The following VPS13B variants were observed in gnomAD, a reference collection of about 807,000 sequenced individuals.
The protein encoded by VPS13B is intermembrane lipid transfer protein VPS13B.
Under a neutral mutation model 426.4 loss-of-function variants are expected in VPS13B, and 285 were observed. The observed-to-expected ratio is 0.67, with a 90% CI of 0.61 to 0.74. The LOEUF (loss-of-function observed/expected upper bound fraction) is 0.74. VPS13B is among the 30% of genes least tolerant of loss of function. The probability of loss-of-function intolerance (pLI) is 0.00; values close to 1 mark genes in which losing one functional copy is unlikely to be tolerated. For synonymous variants in VPS13B, 1,676 were observed against 1,676.4 expected (o/e 1.00, Z 0.01); for missense variants, 4,537 against 4,782.6 (o/e 0.95, Z 1.51).
At chr8:99,736,389 A>G (rs772069015) in intron 39 of VPS13B, among the ~76,000 whole-genome samples, 1 of 152,270 alleles carries the variant, frequency 6.6e-6, no homozygotes, top group South Asian at 2.1e-4. Flanking sequence ...CCTGGTCAAC[A>G]TGGTGAAACC....
intron 19 of VPS13B, among the ~76,000 whole-genome samples, chr8:99,353,058 T>C (rs1052989599): frequency 2.0e-5 from 3 of 151,894 alleles, no homozygotes; most frequent in Non-Finnish European, 4.4e-5. Context: ...CTTGGCTCAC[T>C]GCAACCTCCG....
intron 3 of VPS13B, among the ~76,000 whole-genome samples, chr8:99,088,982 T>A (rs1845995077): frequency 6.6e-6 from 1 of 152,206 alleles, no homozygotes; most frequent in South Asian, 2.1e-4. Flanking sequence ...CTCACTCTGA[T>A]TTTTCTTTTC....
intron 41 of VPS13B, 34 bp downstream of exon 41, chr8:99,776,990 TTTAATAC>T (rs1811772630): frequency 1.9e-6 from 3 of 1,588,784 alleles, no homozygotes; most frequent in African/African-American, 1.3e-5. Context: ...ATAACATCCA[TTTAATAC>T]TTACCATTTT....
chr8:99,515,340 C>T (rs1225260981), intron 29 of VPS13B, among the ~76,000 whole-genome samples: 1 of 152,062 alleles, frequency 6.6e-6, no homozygotes, highest in African/African-American at 2.4e-5. Context: ...TATTTCCAGA[C>T]TTCTGCCATC....
intron 23 of VPS13B, among the ~76,000 whole-genome samples, chr8:99,447,306 G>A (rs940966725): frequency 5.9e-5 from 9 of 152,094 alleles, no homozygotes; most frequent in African/African-American, 1.9e-4. Flanking sequence ...ACAGCCTTGT[G>A]GTTGTGGGTT....
chr8:99,336,982 A>T (rs1326389889), intron 19 of VPS13B, among the ~76,000 whole-genome samples: 1 of 152,024 alleles, frequency 6.6e-6, no homozygotes, highest in Non-Finnish European at 1.5e-5. Context: ...AGAACTAGAA[A>T]TACCATTTGA....
chr8:99,645,270 T>C (rs1192715591), intron 34 of VPS13B, among the ~76,000 whole-genome samples: 1 of 152,228 alleles, frequency 6.6e-6, no homozygotes, highest in African/African-American at 2.4e-5. Flanking sequence ...TATGTATACC[T>C]ATATCATTAT....
At chr8:99,801,685 C>T (rs1813131443) in intron 43 of VPS13B, among the ~76,000 whole-genome samples, 1 of 152,146 alleles carries the variant, frequency 6.6e-6, no homozygotes, top group African/African-American at 2.4e-5. Flanking sequence ...GTTTTTCTTA[C>T]TCTAAAAACA....
At chr8:99,515,901 TATTA>T (rs1335854062) in intron 29 of VPS13B, among the ~76,000 whole-genome samples, 1 of 152,168 alleles carries the variant, frequency 6.6e-6, no homozygotes, top group Non-Finnish European at 1.5e-5. Context: ...ATCTTTTCCT[TATTA>T]ATTAATACAT....
At chr8:99,623,633 C>T (rs1335446814) in intron 33 of VPS13B, among the ~76,000 whole-genome samples, 1 of 152,096 alleles carries the variant, frequency 6.6e-6, no homozygotes, top group Non-Finnish European at 1.5e-5. Context: ...TATTATGCTG[C>T]TTCTGGTAGC....
rs185642968 is a variant in VPS13B at position 99,053,955 on chromosome 8, C to T, written c.291+15389C>T. Among the ~76,000 whole-genome samples, 757 of 152,336 alleles carry T rather than the reference C, an allele frequency of 5.0e-3. 7 individuals are homozygous for T. Among genetic ancestry groups the T allele is most frequent in the African/African-American group, 0.017 (698 of 41,588 alleles). On this transcript the variant is annotated intron_variant, in intron 3 of 61. Coordinates refer to ENST00000357162, the MANE Select transcript of VPS13B (RefSeq NM_152564.5). ...CTGGCCTCAGGTGATCCTCCTGCCT[C>T]GGCCTCCCAAAGTGCTGGGATTACG...
intron 31 of VPS13B, among the ~76,000 whole-genome samples, chr8:99,557,059 G>T (rs2133766036): frequency 6.6e-6 from 1 of 152,236 alleles, no homozygotes; most frequent in Admixed American, 6.6e-5. Context: ...AAGTTAGAGT[G>T]TGGGGAAAAA....
intron 43 of VPS13B, among the ~76,000 whole-genome samples, chr8:99,793,964 G>A (rs892954350): frequency 2.6e-5 from 4 of 152,134 alleles, no homozygotes; most frequent in African/African-American, 9.7e-5. Context: ...CCTAGTAAAG[G>A]ACTCAGCTTG....
intron 33 of VPS13B, among the ~76,000 whole-genome samples, chr8:99,632,795 A>G (rs964525053): frequency 3.3e-5 from 5 of 152,006 alleles, no homozygotes; most frequent in Non-Finnish European, 5.9e-5. Context: ...GCTTTAGTTC[A>G]GTTTAAATAT....
In VPS13B at chr8:99,467,494, G is replaced by C. The variant is rs1819171770; in HGVS notation, c.3526G>C (p.Val1176Leu). ...LLGKQVTLCL[V>L]EPMGCTSTLA... Reference sequence around the variant, plus strand: ...TGGAAAACAAGTGACACTTTGCCTAGTGGAACCTATGGGTTGCACCTCCAC... The same window carrying C: ...TGGAAAACAAGTGACACTTTGCCTACTGGAACCTATGGGTTGCACCTCCAC... Residue 1176 changes from valine (V) to leucine (L), a missense_variant, in exon 24 of 62, where the codon GTG (valine) becomes CTG (leucine). Transcript: ENST00000357162. 6.2e-7 allele frequency: 1 copy of C among 1,613,736 alleles called. No homozygotes were observed. Among genetic ancestry groups the C allele is most frequent in the East Asian group, 2.2e-5 (1 of 44,858 alleles).
At chr8:99,547,187 A>T (rs370352364) in intron 30 of VPS13B, among the ~76,000 whole-genome samples, 12 of 152,084 alleles carry the variant, frequency 7.9e-5, no homozygotes, top group African/African-American at 2.9e-4. Context: ...CTTCTGAATC[A>T]TAATGTCTAA....
chr8:99,233,296 G>A (rs1273156804), intron 17 of VPS13B: 2 of 1,129,482 alleles, frequency 1.8e-6, no homozygotes, highest in Non-Finnish European at 2.7e-6. Flanking sequence ...AGCTGTGGAA[G>A]AGAGCACTCT....
intron 43 of VPS13B, among the ~76,000 whole-genome samples, chr8:99,789,907 G>C (rs550557614): frequency 2.6e-5 from 4 of 152,124 alleles, no homozygotes; most frequent in South Asian, 4.2e-4. Context: ...TCTGAATTTT[G>C]GGTAAGGTGA....
At chr8:99,581,235 T>G (rs1202961526) in intron 33 of VPS13B, among the ~76,000 whole-genome samples, 1 of 151,614 alleles carries the variant, frequency 6.6e-6, no homozygotes, top group African/African-American at 2.4e-5. Context: ...GGAGGAAACA[T>G]CTATTCAATA....
Sources: gnomAD v4.1 joint callset for allele counts (sites outside exome capture counted in the v4.1 genomes callset) on GRCh38, gnomAD v4.1.1 for gene constraint, MANE v1.5 for transcripts, NCBI Gene and HGNC (gene_info 2026-07-23, HGNC 2026-07-21) for gene names.